The following DENND2B variants were observed in gnomAD, a reference collection of about 807,000 sequenced individuals.
DENND2B encodes DENN domain containing 2B, also known as DENN domain-containing protein 2B.
Under a neutral mutation model 116.0 loss-of-function variants are expected in DENND2B, and 32 were observed. The observed-to-expected ratio is 0.28, with a 90% confidence interval of 0.21 to 0.37. The LOEUF (loss-of-function observed/expected upper bound fraction) is 0.37, where lower values mean the gene tolerates loss of function less well. Among genes scored for constraint, DENND2B ranks in the 10% least tolerant of loss-of-function variants. DENND2B has a pLI of 1.00. For synonymous variants in DENND2B, 588 were observed against 583.9 expected, an observed-to-expected ratio of 1.01 and a Z score of -0.10; for missense variants, 1,276 against 1,477.7, an observed-to-expected ratio of 0.86 and a Z score of 2.24.
At chr11:8,775,964 C>T (rs1210035663) in intron 1 of DENND2B, among the ~76,000 whole-genome samples, 1 of 152,082 alleles carries the variant, frequency 6.6e-6, no homozygotes, top group East Asian at 1.9e-4. Flanking sequence ...ATCATCATGT[C>T]ATTCTTCTGG....
At chr11:8,817,973 G>A (rs2061629661) in intron 4 of DENND2B, among the ~76,000 whole-genome samples, 1 of 151,468 alleles carries the variant, frequency 6.6e-6, no homozygotes, top group Non-Finnish European at 1.5e-5. Flanking sequence ...TCTAAAATAG[G>A]CTTTCTGGCC....
At chr11:8,892,370 A>G (rs905876123) in intron 1 of DENND2B, among the ~76,000 whole-genome samples, 19 of 152,238 alleles carry the variant, frequency 1.2e-4, no homozygotes, top group Non-Finnish European at 7.3e-5. Context: ...TTCAAAAGCT[A>G]GCAGAAGGCA....
At chr11:8,870,776 G>A (rs7123861) in intron 2 of DENND2B, 51,683 of 152,130 alleles carry the variant, frequency 0.34, 10,456 homozygotes, top group Non-Finnish European at 0.44. Context: ...CGCCCGGGAG[G>A]GCGGACCCCA....
chr11:8,702,877 CT>C lies in DENND2B; in HGVS notation c.2572-158del. 1.1e-6 allele frequency: 1 copy of C among 880,398 alleles called. No individual in the cohort carries two copies. Among genetic ancestry groups the C allele is most frequent in the Non-Finnish European group, 1.7e-6 (1 of 590,840 alleles). 54.5% of individuals were successfully genotyped at this position (880,398 alleles called of 1,614,324 possible). ...TGCAGTAAACCCCTCTTCTCCATCCCTCGGACTACAGCTCTGCTCTCGTAGC... is the reference window on the plus strand; with the variant it reads ...TGCAGTAAACCCCTCTTCTCCATCCCCGGACTACAGCTCTGCTCTCGTAGC... On this transcript the variant is annotated intron_variant, in intron 13 of 19. Coordinates refer to ENST00000313726, the MANE Select transcript of DENND2B (RefSeq NM_213618.2). The surrounding 1 kb of genome is among the most constrained non-coding windows in gnomAD (Gnocchi z 4.6).
chr11:8,870,637 G>A (rs576468342), intron 2 of DENND2B, among the ~76,000 whole-genome samples: 58 of 152,028 alleles, frequency 3.8e-4, no homozygotes, highest in African/African-American at 1.1e-3. Flanking sequence ...CCAGCTCCCA[G>A]GACGTCCCGA....
intron 2 of DENND2B, among the ~76,000 whole-genome samples, chr11:8,863,144 C>T (rs1264364966): frequency 4.5e-4 from 68 of 151,366 alleles, no homozygotes; most frequent in South Asian, 8.4e-4. Flanking sequence ...AGGGGGACCC[C>T]GTCTCTAAAA....
intron 1 of DENND2B, among the ~76,000 whole-genome samples, chr11:8,762,752 C>T (rs1593305486): frequency 1.3e-5 from 2 of 152,130 alleles, no homozygotes; most frequent in East Asian, 1.9e-4. Flanking sequence ...CCTAACTACT[C>T]GGGAGGCTGA....
intron 3 of DENND2B, among the ~76,000 whole-genome samples, chr11:8,727,548 T>C (rs780263593): frequency 9.2e-5 from 14 of 152,226 alleles, no homozygotes; most frequent in Non-Finnish European, 1.8e-4. Flanking sequence ...TTAAAAACTC[T>C]TTCTCACTCT....
intron 1 of DENND2B, among the ~76,000 whole-genome samples, chr11:8,774,801 C>G (rs1248583418): frequency 1.3e-5 from 2 of 152,144 alleles, no homozygotes; most frequent in African/African-American, 4.8e-5. Context: ...TTGCTTCTCC[C>G]CTGGGGAGAC....
chr11:8,864,798 G>T (rs1180274757), intron 2 of DENND2B, among the ~76,000 whole-genome samples: 1 of 152,188 alleles, frequency 6.6e-6, no homozygotes, highest in Non-Finnish European at 1.5e-5. Context: ...TCAGGACACT[G>T]ACTCTGATTA....
At chr11:8,829,364 C>T (rs929425242) in intron 4 of DENND2B, among the ~76,000 whole-genome samples, 1 of 151,974 alleles carries the variant, frequency 6.6e-6, no homozygotes, top group Non-Finnish European at 1.5e-5. Flanking sequence ...GTGGTCAGCA[C>T]AAGGCAAAAA....
intron 1 of DENND2B, chr11:8,766,759 C>G (rs2055879437): frequency 8.8e-7 from 1 of 1,136,400 alleles, no homozygotes; most frequent in Admixed American, 2.4e-5. Flanking sequence ...TGTGATGTCA[C>G]AGGACTCAAC....
rs768794856 is a variant in DENND2B at position 8,712,124 on chromosome 11, G to A, written c.2172+427C>T. The A allele has an allele frequency of 8.9e-5, 35 of 394,776 alleles. 1 individual carries two copies. Among genetic ancestry groups the A allele is most frequent in the African/African-American group, 4.3e-4 (21 of 48,326 alleles). 24.5% of individuals were successfully genotyped at this position (394,776 alleles called of 1,614,324 possible). The stretch of plus-strand genomic sequence containing the variant: ...CTGGCTGGCGACAAGCAGGGAAGGC[G>A]GAGTGAGAGACAGGCTGGTGGGAGA... On this transcript the variant is annotated intron_variant, in intron 9 of 19. Coordinates refer to ENST00000313726, the MANE Select transcript of DENND2B (RefSeq NM_213618.2). This position sits in a 1 kb window ranked among gnomAD's most constrained non-coding sequence, Gnocchi z 4.4.
Position 8,706,207 on chromosome 11 carries a change from T to C in DENND2B, c.2571+878A>G, listed in dbSNP as rs559546004. Among the ~76,000 whole-genome samples the C allele has an allele frequency of 4.6e-5, 7 of 152,292 alleles. No individual in the cohort carries two copies. The East Asian group carries it at 1.2e-3, about 25-fold the overall frequency. On this transcript the variant is annotated intron_variant, in intron 13 of 19. Coordinates refer to ENST00000313726, the MANE Select transcript of DENND2B (RefSeq NM_213618.2). The stretch of plus-strand genomic sequence containing the variant: ...CTGCAGTGAGCCATGATAGCACCAC[T>C]GCACTCCAGCACCACTGCACAATAT...
chr11:8,877,100 C>CTTTTTTTTT (rs71059191), intron 2 of DENND2B, among the ~76,000 whole-genome samples: 1 of 93,074 alleles, frequency 1.1e-5, no homozygotes, highest in African/African-American at 4.4e-5. Context: ...CTTGAAGATA[C>CTTTTTTTTT]TTTTTTTTTT....
chr11:8,835,849 G>C (rs974303697), intron 4 of DENND2B: 2 of 152,090 alleles, frequency 1.3e-5, no homozygotes, highest in Non-Finnish European at 2.9e-5. Context: ...GTTGGCATTC[G>C]CAAGGAACAC....
At chr11:8,885,974 T>C (rs2063956024) in intron 1 of DENND2B, among the ~76,000 whole-genome samples, 1 of 152,200 alleles carries the variant, frequency 6.6e-6, no homozygotes, top group Non-Finnish European at 1.5e-5. Context: ...GAGTTTCAGC[T>C]CTGTCACCCA....
chr11:8,768,798 C>T lies in DENND2B; in HGVS notation c.-25-18073G>A, dbSNP rs372879663. ...AAAGCCACCCAAGTCACAGCTGACT[C>T]ATGCCATTGCTCTTTGTAATGAGGT... On this transcript the variant is annotated intron_variant, in intron 1 of 19. Transcript: ENST00000313726. 5 of 152,700 alleles carry T rather than the reference C, an allele frequency of 3.3e-5. No homozygotes were observed. The South Asian group carries it at 6.2e-4, about 19-fold the overall frequency. 9.5% of individuals were successfully genotyped at this position (152,700 alleles called of 1,614,324 possible).
rs748411925 is a variant in DENND2B, at chr11:8,702,652, G to A, written c.2640C>T (p.Cys880=). 1.2e-6 allele frequency: 2 copies of A among 1,614,008 alleles called. No individual in the cohort carries two copies. The highest frequency in any genetic ancestry group is 1.7e-6 in the Non-Finnish European group (2 of 1,180,038). ...TTCGGATGAGCTGGCGCACACTGAG[G>A]CAGGTAAAAAGGCACTCAAAGTCCA... ...EHVDFECLFT[C]LSVRQLIRIF... Residue 880 remains cysteine, a synonymous_variant, in exon 14 of 20, where the codon TGC becomes TGT. Coordinates refer to ENST00000313726, the MANE Select transcript of DENND2B (RefSeq NM_213618.2). This position sits in a 1 kb window ranked among gnomAD's most constrained non-coding sequence, Gnocchi z 4.6.
Sources: allele counts gnomAD v4.1 joint callset (sites outside exome capture counted in the v4.1 genomes callset), GRCh38; gene constraint gnomAD v4.1.1; non-coding constraint Gnocchi (gnomAD v3.1); transcripts MANE v1.5; gene names NCBI Gene and HGNC (gene_info 2026-07-23, HGNC 2026-07-21).